The following DOP1B variants were observed in gnomAD, a reference collection of about 807,000 sequenced individuals.
DOP1B encodes DOP1 leucine zipper like protein B, also known as protein DOP1B.
A neutral mutation model predicts 233.5 loss-of-function variants in DOP1B; 174 were observed. The ratio of observed to expected loss-of-function variants is 0.75; its 90% CI spans 0.66 to 0.85. The LOEUF (loss-of-function observed/expected upper bound fraction) is 0.85. DOP1B is among the 40% of genes least tolerant of loss of function. The pLI is 0.00. For synonymous variants in DOP1B, 1,190 were observed against 1,185.6 expected (o/e 1.00, Z -0.08); for missense variants, 2,652 against 2,846.6 (o/e 0.93, Z 1.56).
intron 35 of DOP1B, 77 bp from the exon 36 acceptor site, chr21:36,292,027 A>G (rs2067564689): frequency 2.7e-6 from 4 of 1,479,952 alleles, no homozygotes; most frequent in Non-Finnish European, 1.8e-6. Context: ...TATGTGAATT[A>G]TATCTTAATA....
At chr21:36,180,657 G>GA (rs2123429326) in intron 2 of DOP1B, among the ~76,000 whole-genome samples, 1 of 152,160 alleles carries the variant, frequency 6.6e-6, no homozygotes, top group South Asian at 2.1e-4. Context: ...GAGGCGGGGG[G>GA]ATCACCTGAG....
At chr21:36,278,493 C>A in intron 30 of DOP1B, 138 bp downstream of exon 30, 1 of 832,542 alleles carries the variant, frequency 1.2e-6, no homozygotes, top group Non-Finnish European at 1.8e-6. Flanking sequence ...CTGTCACAGG[C>A]TCGCATGTTG....
intron 21 of DOP1B, 115 bp downstream of exon 21, chr21:36,248,683 T>A: frequency 9.9e-7 from 1 of 1,006,658 alleles, no homozygotes; most frequent in Non-Finnish European, 1.3e-6. Flanking sequence ...GAAACCCAAG[T>A]CAGAGATCAG....
At chr21:36,250,383 C>G (rs1396181431) in intron 21 of DOP1B, among the ~76,000 whole-genome samples, 2 of 152,184 alleles carry the variant, frequency 1.3e-5, no homozygotes, top group African/African-American at 2.4e-5. Flanking sequence ...GTGGCAGAGG[C>G]AGACATTAAC....
chr21:36,263,878 G>A, intron 26 of DOP1B, 64 bp downstream of exon 26: 11 of 1,454,262 alleles, frequency 7.6e-6, no homozygotes, highest in Non-Finnish European at 1.1e-5. Context: ...TCCTTTGGGG[G>A]ATATCAGATA....
intron 1 of DOP1B, among the ~76,000 whole-genome samples, chr21:36,164,252 G>C (rs1375938846): frequency 1.3e-5 from 2 of 152,186 alleles, no homozygotes; most frequent in Non-Finnish European, 2.9e-5. Context: ...GAGCTTAGGA[G>C]GTCAAGGCTG....
chr21:36,230,868 T>C lies in DOP1B; in HGVS notation c.2084T>C (p.Met695Thr), dbSNP rs777988720. ...KPITVPQFKQMLSDLFTARGS... is the reference protein window; with the variant it reads ...KPITVPQFKQTLSDLFTARGS... ...ATCACTGTGCCTCAGTTCAAGCAGA[T>C]GCTGTCAGACTTGTTCACAGCACGA... Residue 695 changes from methionine to threonine, a missense_variant, in exon 14 of 37, where the codon ATG becomes ACG. Met to Thr is a moderately conservative substitution (Grantham distance 81, BLOSUM62 -1). Transcript: ENST00000691173. The C allele has an allele frequency of 4.3e-6, 7 of 1,614,004 alleles. No homozygotes were observed. The highest frequency in any genetic ancestry group is 5.9e-6 in the Non-Finnish European group (7 of 1,180,002).
chr21:36,211,668 C>G lies in DOP1B; in HGVS notation c.780+17C>G. ...ACCTGTCTGGTAAGTAATTTGTACTCTTCTGGTAAGTCACTGGTGTTTCCC... is the reference window on the plus strand; with the variant it reads ...ACCTGTCTGGTAAGTAATTTGTACTGTTCTGGTAAGTCACTGGTGTTTCCC... On this transcript the variant is annotated intron_variant, in intron 6 of 36. Transcript: ENST00000691173. 6.2e-7 allele frequency: 1 copy of G among 1,610,774 alleles called. No individual in the cohort carries two copies. Among genetic ancestry groups the G allele is most frequent in the Non-Finnish European group, 8.5e-7 (1 of 1,177,048 alleles).
At chr21:36,234,165 G>A (rs1205503468) in intron 15 of DOP1B, among the ~76,000 whole-genome samples, 1 of 151,974 alleles carries the variant, frequency 6.6e-6, no homozygotes, top group East Asian at 1.9e-4. Flanking sequence ...GCTGCTTATT[G>A]ACTTTTGTAC....
chr21:36,212,142 A>G, intron 7 of DOP1B, 45 bp downstream of exon 7: 1 of 1,509,776 alleles, frequency 6.6e-7, no homozygotes, highest in Non-Finnish European at 8.8e-7. Flanking sequence ...TTAATATGAA[A>G]CCTTTTAGTG....
At chr21:36,244,943 G>A in intron 18 of DOP1B, 105 bp from the exon 19 acceptor site, 5 of 1,171,616 alleles carry the variant, frequency 4.3e-6, no homozygotes, top group Non-Finnish European at 5.9e-6. Context: ...AGAATTTTAG[G>A]AATATTGATC....
At chr21:36,261,549 T>C (rs1217341337) in intron 24 of DOP1B, 3 of 985,222 alleles carry the variant, frequency 3.0e-6, no homozygotes, top group Non-Finnish European at 3.6e-6. Context: ...AAAAGAAGCT[T>C]TACTGGACCT....
rs980963321 is a variant in DOP1B at position 36,279,247 on chromosome 21, C to CAA, written c.5969+903_5969+904dup. Among the ~76,000 whole-genome samples, 24 of 138,854 alleles carry CAA rather than the reference C, an allele frequency of 1.7e-4. No individual in the cohort carries two copies. In the South Asian group the frequency reaches 5.0e-3, roughly 29 times the overall value. 91.1% of individuals were successfully genotyped at this position (138,854 alleles called of 152,430 possible). A position where few individuals can be genotyped will look rare whatever the true frequency, so the allele number is the denominator to read the frequency against. The stretch of plus-strand genomic sequence containing the variant: ...GCAACAAAGTGAAACCCCATCTCTA[C>CAA]AAAAAAAAAAAATCAAAAAAATTAG... On this transcript the variant is annotated intron_variant, in intron 30 of 36. Coordinates refer to ENST00000691173, the MANE Select transcript of DOP1B (RefSeq NM_001320714.2).
In DOP1B at chr21:36,238,644, A is replaced by G. The variant is rs751408065; in HGVS notation, c.2819A>G (p.His940Arg). ...CTGTTTAGATTTTCCGTGATCTGGC[A>G]TCTGACAAGAGAGATCCAAGGCAGT... ...EALFRFSVIW[H>R]LTREIQGSRV... Residue 940 changes from histidine (H) to arginine (R), a missense_variant, in exon 17 of 37, where the codon CAT becomes CGT. Coordinates refer to ENST00000691173, the MANE Select transcript of DOP1B (RefSeq NM_001320714.2). 2 of 1,614,236 alleles carry G rather than the reference A, an allele frequency of 1.2e-6. No homozygotes were observed. The highest frequency in any genetic ancestry group is 1.7e-5 in the Admixed American group (1 of 60,020).
intron 16 of DOP1B, among the ~76,000 whole-genome samples, chr21:36,237,899 G>A (rs2066845383): frequency 6.6e-6 from 1 of 152,192 alleles, no homozygotes; most frequent in South Asian, 2.1e-4. Context: ...CAGGTGCAGT[G>A]ACTCACGCCT....
chr21:36,201,548 C>G (rs13049088), intron 4 of DOP1B, among the ~76,000 whole-genome samples: 1 of 151,520 alleles, frequency 6.6e-6, no homozygotes, highest in African/African-American at 2.4e-5. Flanking sequence ...GGGTTTCCCT[C>G]TGGCGGCCAG....
At chr21:36,281,460 A>G (rs761454427) in intron 31 of DOP1B, 23 bp from the exon 32 acceptor site, 42 of 1,568,234 alleles carry the variant, frequency 2.7e-5, no homozygotes, top group Non-Finnish European at 3.7e-5. Context: ...TCACTAAGTA[A>G]AACATTGCTG....
At chr21:36,291,029 C>T (rs760315188) in intron 35 of DOP1B, among the ~76,000 whole-genome samples, 124 of 150,582 alleles carry the variant, frequency 8.2e-4, no homozygotes, top group African/African-American at 2.8e-3. Flanking sequence ...TTTGGGAGGC[C>T]GAGGCAGGCG....
intron 14 of DOP1B, among the ~76,000 whole-genome samples, chr21:36,231,649 G>T (rs59346966): frequency 0.018 from 2,707 of 150,986 alleles, 78 homozygotes; most frequent in African/African-American, 0.061. Flanking sequence ...GATGCCTGTT[G>T]ATAAAGTTTT....
Sources: allele counts gnomAD v4.1 joint callset (sites outside exome capture counted in the v4.1 genomes callset), GRCh38; gene constraint gnomAD v4.1.1; transcripts MANE v1.5; gene names NCBI Gene and HGNC (gene_info 2026-07-23, HGNC 2026-07-21).